RNF220: variants seen among roughly 807,000 people sequenced by gnomAD.
The protein encoded by RNF220 is E3 ubiquitin-protein ligase RNF220.
A neutral mutation model predicts 67.1 loss-of-function variants in RNF220; 7 were observed. That is an observed-to-expected ratio of 0.10 (90% CI 0.06 to 0.20). The LOEUF (loss-of-function observed/expected upper bound fraction) is 0.20, where lower values mean the gene tolerates loss of function less well. Among genes scored for constraint, RNF220 ranks in the 10% least tolerant of loss-of-function variants. The probability of loss-of-function intolerance (pLI) is 1.00; values close to 1 mark genes in which losing one functional copy is unlikely to be tolerated. For synonymous variants in RNF220, 270 were observed against 283.2 expected (o/e 0.95, Z 0.47); for missense variants, 565 against 740.3 (o/e 0.76, Z 2.75).
intron 2 of RNF220, among the ~76,000 whole-genome samples, chr1:44,609,430 G>T (rs1667504334): frequency 6.6e-6 from 1 of 152,226 alleles, no homozygotes; most frequent in South Asian, 2.1e-4. Flanking sequence ...AGCCAGAGAG[G>T]CAATCACACG....
At chr1:44,435,666 A>C (rs1232970745) in intron 2 of RNF220, among the ~76,000 whole-genome samples, 1 of 152,216 alleles carries the variant, frequency 6.6e-6, no homozygotes, top group African/African-American at 2.4e-5. Context: ...ATGGTGGCTC[A>C]CGCCTGTAAT....
intron 8 of RNF220, among the ~76,000 whole-genome samples, chr1:44,637,385 G>A (rs187256515): frequency 5.4e-4 from 83 of 152,348 alleles, no homozygotes; most frequent in African/African-American, 1.9e-3. Context: ...CACTCATCCC[G>A]TACTGGAGCC....
intron 2 of RNF220, among the ~76,000 whole-genome samples, chr1:44,532,177 G>A (rs1660886380): frequency 6.6e-6 from 1 of 152,260 alleles, no homozygotes; most frequent in African/African-American, 2.4e-5. Flanking sequence ...AAAGAATGGT[G>A]CCCAGACCTG....
At chr1:44,423,845 G>C (rs1649470720) in intron 2 of RNF220, 2 of 985,380 alleles carry the variant, frequency 2.0e-6, no homozygotes, top group Non-Finnish European at 2.4e-6. Context: ...TCGCGAGGGA[G>C]GTTAGGCATG....
chr1:44,632,452 C>G, intron 6 of RNF220, 67 bp downstream of exon 6: 4 of 1,444,020 alleles, frequency 2.8e-6, no homozygotes, highest in Non-Finnish European at 3.8e-6. Flanking sequence ...TCACTGCCTG[C>G]CGCTCCTGGC....
At chr1:44,612,762 C>CA (rs5773845) in intron 2 of RNF220, among the ~76,000 whole-genome samples, 130,948 of 150,596 alleles carry the variant, frequency 0.87, 57,655 homozygotes, top group Non-Finnish European at 0.93. Context: ...CATGCTTATA[C>CA]AAAAAAAAAA....
At chr1:44,553,162 C>T (rs1662801302) in intron 2 of RNF220, among the ~76,000 whole-genome samples, 1 of 151,580 alleles carries the variant, frequency 6.6e-6, no homozygotes, top group African/African-American at 2.4e-5. Flanking sequence ...GGATAGGTGC[C>T]ACTTTTGTGT....
intron 2 of RNF220, among the ~76,000 whole-genome samples, chr1:44,530,383 C>A (rs984855711): frequency 1.3e-5 from 2 of 152,122 alleles, no homozygotes; most frequent in Non-Finnish European, 2.9e-5. Flanking sequence ...GAGCAGAGAT[C>A]TCAAGAAATT....
At chr1:44,571,335 C>G (rs188100916) in intron 2 of RNF220, among the ~76,000 whole-genome samples, 50 of 152,304 alleles carry the variant, frequency 3.3e-4, no homozygotes, top group African/African-American at 1.2e-3. Flanking sequence ...CCTCATGACT[C>G]TCTTCTTCAT....
chr1:44,434,804 C>T (rs1466686697), intron 2 of RNF220, among the ~76,000 whole-genome samples: 1 of 150,424 alleles, frequency 6.6e-6, no homozygotes, highest in Non-Finnish European at 1.5e-5. Context: ...GTGAAAAGGC[C>T]ATTGCACAGT....
intron 2 of RNF220, chr1:44,424,089 TC>T: frequency 1.1e-6 from 1 of 905,242 alleles, no homozygotes; most frequent in Non-Finnish European, 1.3e-6. Flanking sequence ...TGCAAGGGAA[TC>T]AAAGAAGTAG....
chr1:44,432,330 G>GCTATTCA (rs1491502665), intron 2 of RNF220, among the ~76,000 whole-genome samples: 1 of 152,036 alleles, frequency 6.6e-6, no homozygotes, highest in African/African-American at 2.4e-5. Flanking sequence ...GAGTGCAATG[G>GCTATTCA]CGCGATCTCG....
intron 2 of RNF220, among the ~76,000 whole-genome samples, chr1:44,470,889 G>A (rs958013663): frequency 2.6e-5 from 4 of 152,092 alleles, no homozygotes; most frequent in Non-Finnish European, 5.9e-5. Flanking sequence ...ACAAATAGGA[G>A]ACATTCAATG....
chr1:44,567,585 A>G (rs1664118275), intron 2 of RNF220, among the ~76,000 whole-genome samples: 1 of 151,600 alleles, frequency 6.6e-6, no homozygotes, highest in African/African-American at 2.4e-5. Context: ...GAGAGAGCCT[A>G]CCCTTACTGG....
Position 44,622,957 on chromosome 1 carries a change from G to A in RNF220, c.804+170G>A, listed in dbSNP as rs28453885. Among the ~76,000 whole-genome samples the A allele has an allele frequency of 0.41, 62,022 of 151,968 alleles. 12,999 individuals carry two copies. Among genetic ancestry groups the A allele is most frequent in the African/African-American group, 0.47 (19,373 of 41,432 alleles). On this transcript the variant is annotated intron_variant, in intron 4 of 14. Transcript: ENST00000361799. The surrounding 1 kb of genome is among the most constrained non-coding windows in gnomAD (Gnocchi z 4.3). ...ACATCATCCTGAGGCCTAGGGCTGC[G>A]CCGTGTGTGTGTGTAAGTGTGTGTG...
At chr1:44,413,799 T>C (rs965926830) in intron 2 of RNF220, among the ~76,000 whole-genome samples, 3 of 151,782 alleles carry the variant, frequency 2.0e-5, no homozygotes, top group Non-Finnish European at 4.4e-5. Context: ...ATACCATTTT[T>C]TTCCCTCCTC....
intron 2 of RNF220, among the ~76,000 whole-genome samples, chr1:44,421,283 T>A (rs1033520667): frequency 6.6e-6 from 1 of 152,208 alleles, no homozygotes; most frequent in African/African-American, 2.4e-5. Flanking sequence ...TTACTGGATA[T>A]TGTTTGAAAT....
intron 5 of RNF220, 165 bp from the exon 6 acceptor site, chr1:44,632,178 G>A: frequency 6.4e-7 from 1 of 1,572,982 alleles, no homozygotes. Flanking sequence ...GGAGCGGCCG[G>A]AGGAGCAGAG....
At chr1:44,513,685 A>C (rs973934234) in intron 2 of RNF220, among the ~76,000 whole-genome samples, 2 of 152,178 alleles carry the variant, frequency 1.3e-5, no homozygotes, top group Non-Finnish European at 2.9e-5. Context: ...AAAAATTTAC[A>C]CAAAATTATA....
Sources: gnomAD v4.1 joint callset for allele counts (sites outside exome capture counted in the v4.1 genomes callset) on GRCh38, gnomAD v4.1.1 for gene constraint, Gnocchi (gnomAD v3.1) non-coding constraint, MANE v1.5 for transcripts, NCBI Gene and HGNC (gene_info 2026-07-23, HGNC 2026-07-21) for gene names.